The following MYH4 variants were observed in gnomAD, a reference collection of about 807,000 sequenced individuals.
MYH4 encodes the protein myosin heavy chain 4.
In MYH4, 200 loss-of-function variants were observed where a neutral mutation model predicts 229.9. The ratio of observed to expected loss-of-function variants is 0.87; its 90% CI spans 0.78 to 0.98. MYH4 has a LOEUF of 0.98. Among genes scored for constraint, MYH4 ranks in the 50% least tolerant of loss-of-function variants. The pLI, the probability that MYH4 is intolerant of heterozygous loss-of-function variation, is 0.00. For synonymous variants in MYH4, 761 were observed against 834.6 expected, an observed-to-expected ratio of 0.91 and a Z score of 1.52; for missense variants, 2,148 against 2,332.6, an observed-to-expected ratio of 0.92 and a Z score of 1.63.
intron 17 of MYH4, among the ~76,000 whole-genome samples, 193 bp downstream of exon 17, chr17:10,456,292 G>A (rs1029267307): frequency 6.6e-6 from 1 of 152,312 alleles, no homozygotes; most frequent in African/African-American, 2.4e-5. Context: ...GAAGAGATAT[G>A]TAGTTTGTTT....
rs1007420785 is a variant in MYH4, at chr17:10,443,313, A to T, written c.*62T>A. On this transcript the variant is annotated 3_prime_UTR_variant, in exon 40 of 40. Coordinates refer to ENST00000255381, the MANE Select transcript of MYH4 (RefSeq NM_017533.2). This position sits in a 1 kb window ranked among gnomAD's most constrained non-coding sequence, Gnocchi z 4.6. ...ATTTTATTTCCTTGATATACAGGAC[A>T]GTGACAAAGAACTTCACATTTCGTG... 14 of 1,547,328 alleles carry T rather than the reference A, an allele frequency of 9.0e-6. No homozygotes were observed. The highest frequency in any genetic ancestry group is 1.2e-5 in the Non-Finnish European group (13 of 1,123,458).
In MYH4 at chr17:10,463,618, CT is replaced by C; in HGVS notation, c.673del (p.Ser225ValfsTer15). 1 of 1,612,042 alleles carries C rather than the reference CT, an allele frequency of 6.2e-7. No individual in the cohort carries two copies. Among genetic ancestry groups the C allele is most frequent in the Non-Finnish European group, 8.5e-7 (1 of 1,179,250 alleles). ...GAAGGCTTCCAGTAGGGGGTTAGCA[CT>C]GATGATTTGATCTTCAAGGGTCCCC... ...MQGTLEDQII[S>X]ANPLLEAFGN... On this transcript the variant is annotated frameshift_variant, in exon 8 of 40. Transcript: ENST00000255381. LOFTEE classifies it high-confidence loss of function.
intron 14 of MYH4, 25 bp from the exon 15 acceptor site, chr17:10,459,446 A>G: frequency 6.2e-7 from 1 of 1,614,062 alleles, no homozygotes; most frequent in South Asian, 1.1e-5. Context: ...AAATATAGGA[A>G]ATTACGCATA....
In MYH4 at chr17:10,464,772, A is replaced by T. The variant is rs2072744457; in HGVS notation, c.506-64T>A. ...CACTTAACACATAGGTCAACGCAGTACTTATAAACTCAAAATTGTCTTTTA... is the reference window on the plus strand; with the variant it reads ...CACTTAACACATAGGTCAACGCAGTTCTTATAAACTCAAAATTGTCTTTTA... On this transcript the variant is annotated intron_variant, in intron 5 of 39. Transcript: ENST00000255381. 18 of 1,493,696 alleles carry T rather than the reference A, an allele frequency of 1.2e-5. No homozygotes were observed. In the South Asian group the frequency reaches 2.2e-4, roughly 18 times the overall value. 92.5% of individuals were successfully genotyped at this position (1,493,696 alleles called of 1,614,324 possible). A position where few individuals can be genotyped will look rare whatever the true frequency, so the allele number is the denominator to read the frequency against.
At chr17:10,464,911 G>T (rs997456328) in intron 5 of MYH4, among the ~76,000 whole-genome samples, 1 of 152,184 alleles carries the variant, frequency 6.6e-6, no homozygotes, top group South Asian at 2.1e-4. Context: ...CCTTTCTAAT[G>T]TATAGACTAT....
At position 10,444,857 on chromosome 17, in the gene MYH4, T is replaced by A; in HGVS notation, c.5509A>T (p.Asn1837Tyr). 1.2e-6 allele frequency: 2 copies of A among 1,614,120 alleles called. No individual in the cohort carries two copies. The highest frequency in any genetic ancestry group is 1.7e-6 in the Non-Finnish European group (2 of 1,180,022). ...ESEVESEQKH[N>Y]VEAVKGLRKH... ...CGAAGACCCTTGACAGCCTCAACATTGTGCTTCTGTTCACTTTCCACCTCA... is the reference window on the plus strand; with the variant it reads ...CGAAGACCCTTGACAGCCTCAACATAGTGCTTCTGTTCACTTTCCACCTCA... The change falls in exon 38 of 40, where the codon AAT (asparagine) becomes TAT (tyrosine). Residue 1837 changes from asparagine (N) to tyrosine (Y), a missense_variant. Transcript: ENST00000255381.
Position 10,445,019 on chromosome 17 carries a change from G to C in MYH4, c.5423C>G (p.Ala1808Gly), listed in dbSNP as rs200732393. Residue 1808 changes from alanine (A) to glycine (G), a missense_variant, in exon 37 of 40, where the codon GCG becomes GGG. Transcript: ENST00000255381. The stretch of plus-strand genomic sequence containing the variant: ...GATCTGCTTCTTCCCACCCTTCAGC[G>C]CCAGCTGCTCAGCCTCATCCAGACG... ...QLRLDEAEQL[A>G]LKGGKKQIQK... The C allele has an allele frequency of 1.2e-6, 2 of 1,614,110 alleles. No individual in the cohort carries two copies. The highest frequency in any genetic ancestry group is 3.3e-5 in the Admixed American group (2 of 60,020).
In MYH4 at chr17:10,454,922, CTT is replaced by C. The variant is rs751185114; in HGVS notation, c.2435+17_2435+18del. ...TTTATGAAAGTGTGGAGCAGGAAGA[CTT>C]GTGTGTGGGCTCTCACCTCCTCTCC... On this transcript the variant is annotated intron_variant, in intron 21 of 39. Transcript: ENST00000255381. 6.3e-5 allele frequency: 102 copies of C among 1,613,514 alleles called. No individual in the cohort carries two copies. The African/African-American group carries it at 1.2e-3, about 19-fold the overall frequency.
At chr17:10,452,691 A>T in intron 25 of MYH4, 96 bp downstream of exon 25, 4 of 1,398,654 alleles carry the variant, frequency 2.9e-6, no homozygotes, top group Non-Finnish European at 3.9e-6. Flanking sequence ...TTTTTTCCAT[A>T]TGTCATGATG....
chr17:10,444,630 C>A lies in MYH4; in HGVS notation c.5641G>T (p.Ala1881Ser). The A allele has an allele frequency of 6.2e-7, 1 of 1,613,946 alleles. No homozygotes were observed. Among genetic ancestry groups the A allele is most frequent in the Non-Finnish European group, 8.5e-7 (1 of 1,179,942 alleles). ...GCCTCTTCAGCTTGTCTCTTGTAAG[C>A]TTTGACTTTGGTTTGCAATTTGTCC... is the stretch of plus-strand genomic sequence containing the variant. Reference protein sequence around the residue: ...LVDKLQTKVKAYKRQAEEAEE... With the variant: ...LVDKLQTKVKSYKRQAEEAEE... Residue 1881 changes from alanine (A) to serine (S), a missense_variant, in exon 39 of 40, where the codon GCT (alanine) becomes TCT (serine). Physicochemically the swap from Ala to Ser is moderately conservative, Grantham distance 99. Transcript: ENST00000255381.
chr17:10,444,763 A>G (rs1468271815), intron 38 of MYH4, 32 bp downstream of exon 38: 9 of 1,611,988 alleles, frequency 5.6e-6, no homozygotes, highest in South Asian at 1.1e-5. Context: ...CTTGAAAACT[A>G]TAGGCCTGGA....
chr17:10,445,058 T>G lies in MYH4; in HGVS notation c.5384A>C (p.Lys1795Thr), dbSNP rs75173310. 6.9e-4 allele frequency: 1,115 copies of G among 1,614,176 alleles called. 13 individuals carry two copies. The African/African-American group carries it at 0.013, about 20-fold the overall frequency. ...RMKKNMEQTV[K>T]DLQLRLDEAE... ...CTCATCCAGACGGAGCTGCAGATCC[T>G]TCACGGTCTGCTCCATGTTCTTCTT... Residue 1795 changes from lysine (K) to threonine (T), a missense_variant, in exon 37 of 40, where the codon AAG becomes ACG. Transcript: ENST00000255381.
chr17:10,448,182 A>C, intron 33 of MYH4, 56 bp from the exon 34 acceptor site: 1 of 1,491,126 alleles, frequency 6.7e-7, no homozygotes, highest in Middle Eastern at 2.0e-4. Context: ...TTTCTTTCAC[A>C]TTATGATAAT....
At chr17:10,460,579 T>C (rs2072690439) in intron 12 of MYH4, among the ~76,000 whole-genome samples, 1 of 152,192 alleles carries the variant, frequency 6.6e-6, no homozygotes, top group Non-Finnish European at 1.5e-5. Context: ...AGACCACAGA[T>C]AAAAATAATT....
At position 10,457,835 on chromosome 17, in the gene MYH4, A is replaced by G. The variant is rs1597420935; in HGVS notation, c.1588-106T>C. On this transcript the variant is annotated intron_variant, in intron 15 of 39. Transcript: ENST00000255381. ...ACAATGTTTCAAAAGAAGACTTTGA[A>G]TGATAAATTAAATAGGCATGACATG... 4.3e-6 allele frequency: 6 copies of G among 1,397,968 alleles called. No individual in the cohort carries two copies. In the East Asian group the frequency reaches 1.2e-4, roughly 27 times the overall value. The allele number at this position is 1,397,968 out of a possible 1,614,324, so 86.6% of individuals were successfully genotyped here.
chr17:10,445,825 G>A (rs1366561875), intron 35 of MYH4, among the ~76,000 whole-genome samples: 1 of 151,990 alleles, frequency 6.6e-6, no homozygotes, highest in Admixed American at 6.6e-5. Context: ...TCAGGAGATC[G>A]AGACCATCCT....
At chr17:10,459,174 AACAGGG>A (rs2072673446) in intron 15 of MYH4, 71 bp downstream of exon 15, 1 of 1,609,604 alleles carries the variant, frequency 6.2e-7, no homozygotes, top group Non-Finnish European at 8.5e-7. Flanking sequence ...GTTCTTTGAG[AACAGGG>A]AGTGTGATTA....
Position 10,454,701 on chromosome 17 carries a change from T to C in MYH4, c.2545A>G (p.Thr849Ala), listed in dbSNP as rs1597419073. The change falls in exon 22 of 40, where the codon ACA becomes GCA. Residue 849 changes from threonine to alanine, a missense_variant. Transcript: ENST00000255381. ...TTCATGTTGGCCATCTCCTTCTCTG[T>C]CTCTGCACTCTTGAGGAGGGGCTTG... ...KIKPLLKSAE[T>A]EKEMANMKEE... 1.2e-6 allele frequency: 2 copies of C among 1,614,234 alleles called. No individual in the cohort carries two copies. The highest frequency in any genetic ancestry group is 8.5e-7 in the Non-Finnish European group (1 of 1,180,048).
At chr17:10,446,416 T>G (rs1040739322) in intron 35 of MYH4, among the ~76,000 whole-genome samples, 5 of 152,188 alleles carry the variant, frequency 3.3e-5, no homozygotes, top group African/African-American at 1.2e-4. Flanking sequence ...CAGCCTATAT[T>G]ATTTTTAAGT....
Sources: gnomAD v4.1 joint callset for allele counts (sites outside exome capture counted in the v4.1 genomes callset) on GRCh38, gnomAD v4.1.1 for gene constraint, Gnocchi (gnomAD v3.1) non-coding constraint, MANE v1.5 for transcripts, NCBI Gene and HGNC (gene_info 2026-07-23, HGNC 2026-07-21) for gene names.